Variants in DPP10 observed in about 807,000 individuals in gnomAD.
DPP10 encodes the protein inactive dipeptidyl peptidase 10.
DPP10 carries 33 observed loss-of-function variants against 120.9 expected under a neutral mutation model. The ratio of observed to expected loss-of-function variants is 0.27; its 90% CI spans 0.21 to 0.37. DPP10 has a LOEUF of 0.37. Among genes scored for constraint, DPP10 ranks in the 10% least tolerant of loss-of-function variants. The pLI is 1.00. For missense variants in DPP10, 816 were observed against 942.8 expected, an observed-to-expected ratio of 0.87 and a Z score of 1.76; for synonymous variants, 337 against 326.1, an observed-to-expected ratio of 1.03 and a Z score of -0.36.
chr2:115,769,078 G>C (rs144395336), intron 13 of DPP10, among the ~76,000 whole-genome samples: 1 of 151,810 alleles, frequency 6.6e-6, no homozygotes, highest in Non-Finnish European at 1.5e-5. Context: ...ATTTGACAAG[G>C]TTATTGAGTC....
chr2:115,573,581 CTTTTTT>C (rs767336910), intron 5 of DPP10, among the ~76,000 whole-genome samples: 11 of 70,274 alleles, frequency 1.6e-4, no homozygotes, highest in Admixed American at 4.5e-4. Context: ...TGCGCCCGGC[CTTTTTT>C]TTTTTTTTTT....
chr2:115,068,354 G>T, intron 1 of DPP10, among the ~76,000 whole-genome samples: 1 of 149,480 alleles, frequency 6.7e-6, no homozygotes. Flanking sequence ...TGTACCTATT[G>T]GCCACTTATA....
intron 1 of DPP10, among the ~76,000 whole-genome samples, chr2:114,739,460 A>G (rs978837997): frequency 2.0e-5 from 3 of 152,146 alleles, no homozygotes; most frequent in African/African-American, 7.2e-5. Flanking sequence ...GGAGTTCAAG[A>G]CAAGCCTTCC....
chr2:114,822,499 A>G (rs1045011427), intron 1 of DPP10, among the ~76,000 whole-genome samples: 25 of 152,280 alleles, frequency 1.6e-4, no homozygotes, highest in African/African-American at 5.8e-4. Context: ...TGTCTTGGTG[A>G]TTAGCATGTG....
chr2:114,866,088 G>A (rs1159068513), intron 1 of DPP10, among the ~76,000 whole-genome samples: 1 of 151,264 alleles, frequency 6.6e-6, no homozygotes, highest in Non-Finnish European at 1.5e-5. Flanking sequence ...CTCCAGCCCA[G>A]TAACAGAGTG....
intron 21 of DPP10, among the ~76,000 whole-genome samples, chr2:115,831,595 A>C (rs1688936264): frequency 6.6e-6 from 1 of 152,090 alleles, no homozygotes; most frequent in South Asian, 2.1e-4. Flanking sequence ...TATATTCATA[A>C]AGTCATTTAA....
At chr2:115,657,150 A>G (rs2088436342) in intron 5 of DPP10, among the ~76,000 whole-genome samples, 1 of 151,704 alleles carries the variant, frequency 6.6e-6, no homozygotes, top group South Asian at 2.1e-4. Context: ...AATTTAACAT[A>G]AACCTCTTTT....
chr2:115,567,064 ATTTAC>A (rs1277411521), intron 5 of DPP10, among the ~76,000 whole-genome samples: 1 of 152,100 alleles, frequency 6.6e-6, no homozygotes, highest in Non-Finnish European at 1.5e-5. Flanking sequence ...TCAATTAAAA[ATTTAC>A]TTTAATCAGA....
intron 3 of DPP10, among the ~76,000 whole-genome samples, chr2:115,455,507 A>G (rs2073453960): frequency 6.6e-6 from 1 of 152,164 alleles, no homozygotes; most frequent in Non-Finnish European, 1.5e-5. Flanking sequence ...TCACATAGCC[A>G]AGACAATCCT....
intron 14 of DPP10, 80 bp from the exon 15 acceptor site, chr2:115,777,707 A>G (rs1218533351): frequency 6.3e-6 from 9 of 1,419,924 alleles, no homozygotes; most frequent in Non-Finnish European, 6.9e-6. Flanking sequence ...TCAGGATTCA[A>G]TGTGACAATG....
intron 1 of DPP10, among the ~76,000 whole-genome samples, chr2:114,748,239 G>A (rs181705059): frequency 2.6e-5 from 4 of 151,588 alleles, no homozygotes; most frequent in South Asian, 4.2e-4. Flanking sequence ...CTAGTGTAGG[G>A]AGCAGAAACT....
intron 1 of DPP10, among the ~76,000 whole-genome samples, chr2:114,772,841 A>G (rs890437247): frequency 2.6e-5 from 4 of 152,134 alleles, no homozygotes; most frequent in Admixed American, 6.5e-5. Flanking sequence ...AGCTGACTCA[A>G]TGAGCTTCCA....
chr2:115,446,137 C>G (rs2072565708), intron 3 of DPP10, among the ~76,000 whole-genome samples: 1 of 152,348 alleles, frequency 6.6e-6, no homozygotes, highest in South Asian at 2.1e-4. Flanking sequence ...GTGCAAGCGC[C>G]AAGCCTTGGT....
chr2:114,773,623 G>A (rs1276404944), intron 1 of DPP10, among the ~76,000 whole-genome samples: 2 of 152,096 alleles, frequency 1.3e-5, no homozygotes, highest in African/African-American at 2.4e-5. Context: ...ACATTGAAAG[G>A]TATTATATAA....
chr2:114,508,190 A>C (rs1683839186), intron 1 of DPP10, among the ~76,000 whole-genome samples: 1 of 152,192 alleles, frequency 6.6e-6, no homozygotes, highest in Admixed American at 6.5e-5. Context: ...AAACGTCCTT[A>C]CACTGAAGCT....
At chr2:115,681,319 T>C (rs1471216523) in intron 5 of DPP10, among the ~76,000 whole-genome samples, 1 of 151,696 alleles carries the variant, frequency 6.6e-6, no homozygotes, top group East Asian at 1.9e-4. Flanking sequence ...ATACATATAT[T>C]ATAATACTTG....
At chr2:115,537,615 C>T (rs569432692) in intron 5 of DPP10, among the ~76,000 whole-genome samples, 47 of 119,216 alleles carry the variant, frequency 3.9e-4, no homozygotes, top group Non-Finnish European at 1.7e-4. Flanking sequence ...AACAAAAAAA[C>T]ATACTTTGGG....
intron 5 of DPP10, among the ~76,000 whole-genome samples, chr2:115,538,538 G>C (rs540419301): frequency 6.6e-6 from 1 of 152,022 alleles, no homozygotes; most frequent in Admixed American, 6.6e-5. Flanking sequence ...TAACCTAGGG[G>C]TGGCAATGCT....
At chr2:114,802,339 A>G (rs1684324570) in intron 1 of DPP10, among the ~76,000 whole-genome samples, 2 of 152,226 alleles carry the variant, frequency 1.3e-5, no homozygotes, top group Non-Finnish European at 2.9e-5. Flanking sequence ...ACATCCCCAA[A>G]TAACTTTTTC....
Sources: allele counts gnomAD v4.1 joint callset (sites outside exome capture counted in the v4.1 genomes callset), GRCh38; gene constraint gnomAD v4.1.1; transcripts MANE v1.5; gene names NCBI Gene and HGNC (gene_info 2026-07-23, HGNC 2026-07-21).